Variants in B3GALT1 observed in about 807,000 individuals in gnomAD.
B3GALT1 encodes UDP-Gal:betaGlcNAc beta 1,3-galactosyltransferase, polypeptide 1.
B3GALT1 carries 10 observed loss-of-function variants against 23.2 expected under a neutral mutation model. The ratio of observed to expected loss-of-function variants is 0.43; its 90% CI spans 0.27 to 0.73. The LOEUF (loss-of-function observed/expected upper bound fraction) is 0.73, where lower values mean the gene tolerates loss of function less well. Among genes scored for constraint, B3GALT1 ranks in the 30% least tolerant of loss-of-function variants. B3GALT1 has a pLI of 0.21. For missense variants in B3GALT1, 299 were observed against 405.4 expected, an observed-to-expected ratio of 0.74 and a Z score of 2.25; for synonymous variants, 156 against 141.5, an observed-to-expected ratio of 1.10 and a Z score of -0.73.
At chr2:167,628,122 G>A (rs1347692081) in intron 2 of B3GALT1, among the ~76,000 whole-genome samples, 1 of 151,578 alleles carries the variant, frequency 6.6e-6, no homozygotes, top group Non-Finnish European at 1.5e-5. Flanking sequence ...TCATATATAT[G>A]TTTTGCAAAT....
intron 1 of B3GALT1, among the ~76,000 whole-genome samples, chr2:167,392,963 A>G (rs543019320): frequency 2.4e-4 from 37 of 152,284 alleles, no homozygotes; most frequent in East Asian, 7.7e-4. Context: ...AGCCGGGCGC[A>G]GTGGCTCACA....
intron 2 of B3GALT1, among the ~76,000 whole-genome samples, chr2:167,574,842 A>T (rs1273249927): frequency 2.0e-5 from 3 of 151,770 alleles, no homozygotes; most frequent in Non-Finnish European, 3.0e-5. Context: ...GCTGCTTGAG[A>T]TAGCATTAAT....
chr2:167,440,749 G>A (rs980876431), intron 1 of B3GALT1, among the ~76,000 whole-genome samples: 1 of 151,400 alleles, frequency 6.6e-6, no homozygotes, highest in Non-Finnish European at 1.5e-5. Context: ...CTAGTTATTT[G>A]ATCTCTAAAA....
chr2:167,309,699 A>C (rs1468679307), intron 1 of B3GALT1, among the ~76,000 whole-genome samples: 1 of 152,088 alleles, frequency 6.6e-6, no homozygotes, highest in Non-Finnish European at 1.5e-5. Context: ...ATCTGCAAAA[A>C]AGTTAAGTTG....
chr2:167,745,951 C>A (rs1201162953), intron 3 of B3GALT1, among the ~76,000 whole-genome samples: 2 of 152,136 alleles, frequency 1.3e-5, no homozygotes, highest in Admixed American at 6.5e-5. Flanking sequence ...TTCTTCATAT[C>A]TCTTAACTCT....
At chr2:167,533,126 G>T (rs968386274) in intron 2 of B3GALT1, among the ~76,000 whole-genome samples, 4 of 151,886 alleles carry the variant, frequency 2.6e-5, no homozygotes, top group African/African-American at 9.7e-5. Context: ...CTCCCAAAGT[G>T]CTGGAATTAC....
At chr2:167,458,695 C>G (rs1699210808) in intron 1 of B3GALT1, among the ~76,000 whole-genome samples, 2 of 152,144 alleles carry the variant, frequency 1.3e-5, no homozygotes, top group Non-Finnish European at 2.9e-5. Flanking sequence ...ATTTGCATTT[C>G]TCTAATGCTT....
intron 1 of B3GALT1, among the ~76,000 whole-genome samples, chr2:167,368,245 G>A (rs989687154): frequency 2.0e-5 from 3 of 152,226 alleles, no homozygotes; most frequent in African/African-American, 7.2e-5. Flanking sequence ...GTTCACTCAA[G>A]TTTCATCCTC....
chr2:167,354,808 A>G (rs1409384946), intron 1 of B3GALT1, among the ~76,000 whole-genome samples: 2 of 152,098 alleles, frequency 1.3e-5, no homozygotes, highest in South Asian at 2.1e-4. Context: ...CAGTCCTTCA[A>G]TTGTCTTTTA....
At chr2:167,679,142 G>A (rs1379698933) in intron 3 of B3GALT1, among the ~76,000 whole-genome samples, 3 of 147,918 alleles carry the variant, frequency 2.0e-5, no homozygotes, top group Admixed American at 2.0e-4. Context: ...TTGAGACAGA[G>A]TTTCACTCTT....
chr2:167,767,352 C>A (rs181469627), intron 3 of B3GALT1, among the ~76,000 whole-genome samples: 3 of 152,092 alleles, frequency 2.0e-5, no homozygotes, highest in South Asian at 4.2e-4. Context: ...CATTTCTTTG[C>A]GGCATTGTCC....
At chr2:167,359,952 A>G (rs1574047917) in intron 1 of B3GALT1, among the ~76,000 whole-genome samples, 1 of 152,300 alleles carries the variant, frequency 6.6e-6, no homozygotes, top group East Asian at 1.9e-4. Flanking sequence ...CTGTGATGAA[A>G]AACACTCAAA....
chr2:167,307,707 T>C (rs1696570762), intron 1 of B3GALT1, among the ~76,000 whole-genome samples: 1 of 151,998 alleles, frequency 6.6e-6, no homozygotes, highest in Admixed American at 6.6e-5. Flanking sequence ...GCTGAGCCTC[T>C]TTCTTTTTCC....
intron 2 of B3GALT1, among the ~76,000 whole-genome samples, chr2:167,518,036 C>CA (rs1220220176): frequency 2.0e-5 from 3 of 151,602 alleles, no homozygotes; most frequent in Non-Finnish European, 1.5e-5. Flanking sequence ...ACAACAACAA[C>CA]AAAAAAAATT....
At chr2:167,615,718 G>A (rs992576450) in intron 2 of B3GALT1, among the ~76,000 whole-genome samples, 1 of 152,018 alleles carries the variant, frequency 6.6e-6, no homozygotes, top group African/African-American at 2.4e-5. Context: ...TCTCTAATAA[G>A]AGTAACAATA....
chr2:167,295,768 CGTGTGTGTGTGT>C (rs57375833), intron 1 of B3GALT1, among the ~76,000 whole-genome samples: 78 of 143,450 alleles, frequency 5.4e-4, no homozygotes, highest in Admixed American at 1.5e-3. Context: ...TGTGTGTGTA[CGTGTGTGTGTGT>C]GTGTGTGTGT....
chr2:167,764,103 C>T (rs1350227076), intron 3 of B3GALT1, among the ~76,000 whole-genome samples: 1 of 152,168 alleles, frequency 6.6e-6, no homozygotes, highest in Non-Finnish European at 1.5e-5. Flanking sequence ...AGATTTGCTG[C>T]AATAGAAAAG....
At position 167,607,103 on chromosome 2, in the gene B3GALT1, T is replaced by A. The variant is rs78677873; in HGVS notation, c.-409-39806T>A. Among the ~76,000 whole-genome samples the A allele has an allele frequency of 9.0e-3, 1,371 of 152,286 alleles. 11 individuals are homozygous for A. The highest frequency in any genetic ancestry group is 0.036 in the South Asian group (172 of 4,828). ...AAAAGTTAATTAGCTTAGTCAAGGTTAAGCTGAATTAACAAGAAGAAAACA... is the reference window on the plus strand; with the variant it reads ...AAAAGTTAATTAGCTTAGTCAAGGTAAAGCTGAATTAACAAGAAGAAAACA... On this transcript the variant is annotated intron_variant, in intron 2 of 4. Transcript: ENST00000392690.
At chr2:167,841,189 A>AT (rs1205085010) in intron 4 of B3GALT1, among the ~76,000 whole-genome samples, 1 of 151,622 alleles carries the variant, frequency 6.6e-6, no homozygotes, top group Non-Finnish European at 1.5e-5. Context: ...AAATAAATAA[A>AT]TAAGTAAAAA....
Sources: allele counts gnomAD v4.1 joint callset (sites outside exome capture counted in the v4.1 genomes callset), GRCh38; gene constraint gnomAD v4.1.1; transcripts MANE v1.5; gene names NCBI Gene and HGNC (gene_info 2026-07-23, HGNC 2026-07-21).